Variants in NKAIN2 observed in about 807,000 individuals in gnomAD.
NKAIN2 encodes sodium/potassium transporting ATPase interacting 2.
A neutral mutation model predicts 32.6 loss-of-function variants in NKAIN2; 14 were observed. The ratio of observed to expected loss-of-function variants is 0.43; its 90% CI spans 0.28 to 0.67. NKAIN2 has a LOEUF of 0.67. NKAIN2 is among the 30% of genes least tolerant of loss of function. The pLI is 0.17. For missense variants in NKAIN2, 198 were observed against 258.3 expected (o/e 0.77, Z 1.60); for synonymous variants, 80 against 87.2 (o/e 0.92, Z 0.46).
At chr6:124,455,797 A>G (rs1388546551) in intron 3 of NKAIN2, among the ~76,000 whole-genome samples, 3 of 151,920 alleles carry the variant, frequency 2.0e-5, no homozygotes, top group African/African-American at 7.2e-5. Context: ...TAAGTGTAAT[A>G]TAAATATATA....
At position 124,441,197 on chromosome 6, in the gene NKAIN2, T is replaced by A. The variant is rs77456928; in HGVS notation, c.273+85850T>A. ...AGTCAGTTTTTATAATATGGCTTTA[T>A]GCAGAATCCTGTGTCAATGGATCAA... On this transcript the variant is annotated intron_variant, in intron 3 of 6. Transcript: ENST00000368417. 6.5e-3 allele frequency among the ~76,000 whole-genome samples: 997 copies of A among 152,242 alleles called. 7 individuals are homozygous for A. Among genetic ancestry groups the A allele is most frequent in the African/African-American group, 0.023 (964 of 41,568 alleles).
At chr6:124,285,225 G>T (rs1795481389) in intron 2 of NKAIN2, among the ~76,000 whole-genome samples, 1 of 152,144 alleles carries the variant, frequency 6.6e-6, no homozygotes, top group Middle Eastern at 3.2e-3. Context: ...TGATGTAAAT[G>T]ATAAACTTTT....
At chr6:124,258,163 G>A (rs1382123609) in intron 1 of NKAIN2, among the ~76,000 whole-genome samples, 1 of 151,942 alleles carries the variant, frequency 6.6e-6, no homozygotes, top group South Asian at 2.1e-4. Flanking sequence ...AAAAACTGAG[G>A]TATAGACAGA....
chr6:124,657,358 C>T (rs1187945936), intron 3 of NKAIN2, among the ~76,000 whole-genome samples: 4 of 152,072 alleles, frequency 2.6e-5, no homozygotes, highest in Non-Finnish European at 5.9e-5. Context: ...TTTCCTTTAG[C>T]CGTTCTTTCC....
intron 1 of NKAIN2, among the ~76,000 whole-genome samples, chr6:124,214,853 G>A (rs1326231268): frequency 6.6e-6 from 1 of 152,136 alleles, no homozygotes; most frequent in East Asian, 1.9e-4. Context: ...CATTTATCCA[G>A]ACTATTCCTG....
chr6:124,687,418 ATATT>A (rs1562324642), intron 4 of NKAIN2, among the ~76,000 whole-genome samples: 1 of 86,090 alleles, frequency 1.2e-5, no homozygotes, highest in African/African-American at 4.6e-5. Context: ...TGGAATATAT[ATATT>A]CCATGTATAC....
intron 5 of NKAIN2, among the ~76,000 whole-genome samples, chr6:124,807,740 T>C (rs1461687438): frequency 6.6e-6 from 1 of 150,740 alleles, no homozygotes; most frequent in Non-Finnish European, 1.5e-5. Flanking sequence ...GATAGACCGC[T>C]AGCAATAAAG....
intron 1 of NKAIN2, among the ~76,000 whole-genome samples, chr6:123,856,082 G>T (rs552401219): frequency 1.3e-5 from 2 of 152,238 alleles, no homozygotes; most frequent in South Asian, 4.1e-4. Flanking sequence ...GATTTCTTTT[G>T]ATTTCTTACT....
chr6:124,646,603 C>A (rs931797737), intron 3 of NKAIN2, among the ~76,000 whole-genome samples: 15 of 152,134 alleles, frequency 9.9e-5, no homozygotes, highest in African/African-American at 3.6e-4. Flanking sequence ...CAAAAACACC[C>A]AGTTACTTCC....
chr6:124,771,944 A>C (rs1487268750), intron 4 of NKAIN2, among the ~76,000 whole-genome samples: 2 of 152,180 alleles, frequency 1.3e-5, no homozygotes, highest in Non-Finnish European at 2.9e-5. Context: ...TATGAATACT[A>C]TAAGTAGCTC....
chr6:123,992,989 AATTG>A (rs1265037533), intron 1 of NKAIN2, among the ~76,000 whole-genome samples: 2 of 152,218 alleles, frequency 1.3e-5, no homozygotes, highest in Non-Finnish European at 2.9e-5. Context: ...AACCTGGACA[AATTG>A]TATAAACCCT....
intron 1 of NKAIN2, among the ~76,000 whole-genome samples, chr6:123,819,819 A>G (rs1484967495): frequency 6.6e-6 from 1 of 152,230 alleles, no homozygotes; most frequent in Non-Finnish European, 1.5e-5. Context: ...CAAAGCTGGA[A>G]AGCATGACCA....
chr6:124,241,093 C>G (rs561815333), intron 1 of NKAIN2, among the ~76,000 whole-genome samples: 2 of 152,006 alleles, frequency 1.3e-5, no homozygotes, highest in Non-Finnish European at 2.9e-5. Context: ...TCCTATACAC[C>G]AATAATAGAA....
At chr6:123,997,892 C>T (rs923529396) in intron 1 of NKAIN2, among the ~76,000 whole-genome samples, 4 of 152,062 alleles carry the variant, frequency 2.6e-5, no homozygotes, top group South Asian at 2.1e-4. Flanking sequence ...TGTGAGCCAC[C>T]GTGCCTGGCC....
At chr6:124,710,145 G>A (rs1775361447) in intron 4 of NKAIN2, among the ~76,000 whole-genome samples, 1 of 151,520 alleles carries the variant, frequency 6.6e-6, no homozygotes, top group Admixed American at 6.6e-5. Context: ...GCGGTTTTGA[G>A]TGAGATTCTT....
At chr6:124,283,514 G>A (rs1404058001) in intron 2 of NKAIN2, among the ~76,000 whole-genome samples, 1 of 152,100 alleles carries the variant, frequency 6.6e-6, no homozygotes, top group South Asian at 2.1e-4. Flanking sequence ...TGAATAAAGA[G>A]TTTAAAATCA....
chr6:124,229,119 C>A (rs577786369), intron 1 of NKAIN2, among the ~76,000 whole-genome samples: 1 of 152,240 alleles, frequency 6.6e-6, no homozygotes, highest in African/African-American at 2.4e-5. Flanking sequence ...AATCTATTTT[C>A]TGCACTAGCC....
At chr6:124,795,773 G>T (rs559024641) in intron 5 of NKAIN2, among the ~76,000 whole-genome samples, 1 of 152,096 alleles carries the variant, frequency 6.6e-6, no homozygotes, top group South Asian at 2.1e-4. Flanking sequence ...GCAGCCTTCC[G>T]GGGCCTCTTT....
chr6:124,345,415 G>C (rs1798362945), intron 2 of NKAIN2, among the ~76,000 whole-genome samples: 1 of 152,150 alleles, frequency 6.6e-6, no homozygotes, highest in South Asian at 2.1e-4. Context: ...ATTAGTACGA[G>C]TTCCTCCTTA....
Sources: allele counts gnomAD v4.1 joint callset (sites outside exome capture counted in the v4.1 genomes callset), GRCh38; gene constraint gnomAD v4.1.1; transcripts MANE v1.5; gene names NCBI Gene and HGNC (gene_info 2026-07-23, HGNC 2026-07-21).